Variants in EIPR1 observed in about 807,000 individuals in gnomAD.
The protein encoded by EIPR1 is EARP and GARP complex-interacting protein 1.
Under a neutral mutation model 48.1 loss-of-function variants are expected in EIPR1, and 25 were observed. The observed-to-expected ratio is 0.52, with a 90% confidence interval of 0.38 to 0.73. The LOEUF is 0.73. Ranked by LOEUF, EIPR1 falls within the 30% of genes least tolerant of loss-of-function variation. The pLI, the probability that EIPR1 is intolerant of heterozygous loss-of-function variation, is 0.00. For synonymous variants in EIPR1, 204 were observed against 201.9 expected (o/e 1.01, Z -0.09); for missense variants, 415 against 506.2 (o/e 0.82, Z 1.73).
At chr2:3,326,970 G>A (rs373497106) in intron 3 of EIPR1, among the ~76,000 whole-genome samples, 2 of 152,204 alleles carry the variant, frequency 1.3e-5, no homozygotes, top group African/African-American at 4.8e-5. Context: ...CCGAAGCTGC[G>A]TGGCCTCTGC....
At chr2:3,296,915 GTC>G (rs1406941164) in intron 3 of EIPR1, among the ~76,000 whole-genome samples, 5 of 152,254 alleles carry the variant, frequency 3.3e-5, no homozygotes. Context: ...CTAGGACCAA[GTC>G]TCTCCGAGTC....
At chr2:3,234,114 G>A (rs778001776) in intron 4 of EIPR1, among the ~76,000 whole-genome samples, 10 of 152,106 alleles carry the variant, frequency 6.6e-5, no homozygotes, top group Non-Finnish European at 1.3e-4. Flanking sequence ...GAGTGAGGGC[G>A]TGGTGTGGAT....
chr2:3,321,408 C>T (rs1669525406), intron 3 of EIPR1, among the ~76,000 whole-genome samples: 1 of 152,190 alleles, frequency 6.6e-6, no homozygotes, highest in Non-Finnish European at 1.5e-5. Flanking sequence ...CCCGCCGCCC[C>T]GTCTTTAAGC....
At chr2:3,294,913 GCA>G (rs34509649) in intron 3 of EIPR1, among the ~76,000 whole-genome samples, 1 of 67,452 alleles carries the variant, frequency 1.5e-5, no homozygotes, top group African/African-American at 6.6e-5. Flanking sequence ...TTCTCTCCCT[GCA>G]CACACACCCG....
chr2:3,297,260 A>T (rs148866612), intron 3 of EIPR1, among the ~76,000 whole-genome samples: 186 of 152,340 alleles, frequency 1.2e-3, no homozygotes, highest in African/African-American at 4.4e-3. Flanking sequence ...GGGCGAGGAA[A>T]GGCTGATGTT....
At chr2:3,327,495 T>TA (rs1263874247) in intron 3 of EIPR1, among the ~76,000 whole-genome samples, 2 of 152,140 alleles carry the variant, frequency 1.3e-5, no homozygotes, top group East Asian at 1.9e-4. Context: ...TTTCCATTTT[T>TA]AAAAAAATTT....
Position 3,196,872 on chromosome 2 carries a change from C to T in EIPR1, c.653+9G>A, listed in dbSNP as rs771422023. The T allele has an allele frequency of 1.2e-6, 2 of 1,612,792 alleles. No homozygotes were observed. Among genetic ancestry groups the T allele is most frequent in the East Asian group, 4.5e-5 (2 of 44,738 alleles). ...GGAAGTGGGGCCTGCGCCGGGTGGG[C>T]TCACTGACCTCATGCTCCGGGTGTC... On this transcript the variant is annotated intron_variant, in intron 6 of 8. Coordinates refer to ENST00000382125, the MANE Select transcript of EIPR1 (RefSeq NM_003310.5).
chr2:3,308,283 G>A (rs2103304812), intron 3 of EIPR1, among the ~76,000 whole-genome samples: 1 of 152,242 alleles, frequency 6.6e-6, no homozygotes, highest in African/African-American at 2.4e-5. Flanking sequence ...CAATGGACAG[G>A]ATGATCTTAA....
At chr2:3,231,691 T>C (rs1457390160) in intron 4 of EIPR1, among the ~76,000 whole-genome samples, 1 of 152,208 alleles carries the variant, frequency 6.6e-6, no homozygotes, top group Non-Finnish European at 1.5e-5. Flanking sequence ...AAATCCCCCT[T>C]AATAATGGTA....
intron 5 of EIPR1, among the ~76,000 whole-genome samples, chr2:3,205,461 C>T (rs1665197495): frequency 6.6e-6 from 1 of 152,236 alleles, no homozygotes; most frequent in Non-Finnish European, 1.5e-5. Context: ...AAAGCAGTCA[C>T]ATGTGGATAT....
intron 1 of EIPR1, among the ~76,000 whole-genome samples, chr2:3,367,918 G>A (rs528720286): frequency 5.9e-5 from 9 of 152,148 alleles, no homozygotes; most frequent in South Asian, 4.2e-4. Flanking sequence ...GGTGGCAGGC[G>A]CCTGTAGACC....
Position 3,242,235 on chromosome 2 carries a change from A to G in EIPR1, c.416+15064T>C, listed in dbSNP as rs919658388. ...AGAGATTTCAGGCCCCCGACTCCAC[A>G]CCATGGGCCCGGCAGCAGCCACTGA... On this transcript the variant is annotated intron_variant, in intron 4 of 8. Transcript: ENST00000382125. 2.1e-5 allele frequency among the ~76,000 whole-genome samples: 3 copies of G among 146,038 alleles called. No homozygotes were observed. The East Asian group carries it at 5.9e-4, about 29-fold the overall frequency.
At chr2:3,206,820 A>C (rs1665252871) in intron 5 of EIPR1, among the ~76,000 whole-genome samples, 1 of 152,130 alleles carries the variant, frequency 6.6e-6, no homozygotes, top group Non-Finnish European at 1.5e-5. Flanking sequence ...GATCTGTTGG[A>C]GAGGTGGGTC....
At chr2:3,269,584 TCAATCATCG>T (rs1667630370) in intron 3 of EIPR1, among the ~76,000 whole-genome samples, 1 of 72,472 alleles carries the variant, frequency 1.4e-5, no homozygotes, top group Non-Finnish European at 2.5e-5. Context: ...GTCATCGCAC[TCAATCATCG>T]CACTCAATCG....
intron 3 of EIPR1, among the ~76,000 whole-genome samples, chr2:3,314,652 T>C (rs566040770): frequency 2.0e-5 from 3 of 151,738 alleles, no homozygotes; most frequent in East Asian, 1.9e-4. Context: ...CTCTCTTGTG[T>C]CCCCTCCCAA....
In EIPR1 at chr2:3,194,695, A is replaced by AGC. The variant is rs60501467; in HGVS notation, c.654-530_654-529insGC. ...CTATATATATACAGAGAGAGAGAGAAAGGGGGGGGCAGTGGGGAAGGCCAT... is the reference window on the plus strand; with the variant it reads ...CTATATATATACAGAGAGAGAGAGAAGCAGGGGGGGGCAGTGGGGAAGGCCAT... On this transcript the variant is annotated intron_variant, in intron 6 of 8. Coordinates refer to ENST00000382125, the MANE Select transcript of EIPR1 (RefSeq NM_003310.5). Among the ~76,000 whole-genome samples the AGC allele has an allele frequency of 3.5e-3, 529 of 150,170 alleles. 4 individuals carry two copies. The highest frequency in any genetic ancestry group is 6.9e-3 in the Middle Eastern group (2 of 288).
chr2:3,219,000 G>A (rs1356561079), intron 4 of EIPR1, among the ~76,000 whole-genome samples: 4 of 151,032 alleles, frequency 2.6e-5, no homozygotes, highest in Admixed American at 6.6e-5. Flanking sequence ...AGTGAGTCAG[G>A]TGCACACTCA....
chr2:3,197,742 G>A (rs1000911094), intron 5 of EIPR1, among the ~76,000 whole-genome samples: 1 of 152,242 alleles, frequency 6.6e-6, no homozygotes, highest in Non-Finnish European at 1.5e-5. Context: ...GTTAAAGGCA[G>A]GAAGCATCCA....
At chr2:3,270,058 C>T (rs1667657279) in intron 3 of EIPR1, among the ~76,000 whole-genome samples, 1 of 152,238 alleles carries the variant, frequency 6.6e-6, no homozygotes. Flanking sequence ...CTGAGCAGGA[C>T]ACTTGGCTGT....
Sources: allele counts gnomAD v4.1 joint callset (sites outside exome capture counted in the v4.1 genomes callset), GRCh38; gene constraint gnomAD v4.1.1; transcripts MANE v1.5; gene names NCBI Gene and HGNC (gene_info 2026-07-23, HGNC 2026-07-21).